TNRC6B: variants seen among roughly 807,000 people sequenced by gnomAD.
TNRC6B encodes trinucleotide repeat containing adaptor 6B, also known as trinucleotide repeat-containing gene 6B protein.
Under a neutral mutation model 203.6 loss-of-function variants are expected in TNRC6B, and 52 were observed. The ratio of observed to expected loss-of-function variants is 0.26; its 90% CI spans 0.20 to 0.32. The LOEUF is 0.32. Among genes scored for constraint, TNRC6B ranks in the 10% least tolerant of loss-of-function variants. The pLI, the probability that TNRC6B is intolerant of heterozygous loss-of-function variation, is 1.00. For synonymous variants in TNRC6B, 838 were observed against 845.7 expected (o/e 0.99, Z 0.16); for missense variants, 1,923 against 2,286.2 (o/e 0.84, Z 3.24).
chr22:40,318,242 A>G (rs917945084), intron 21 of TNRC6B, among the ~76,000 whole-genome samples: 2 of 152,038 alleles, frequency 1.3e-5, no homozygotes, highest in African/African-American at 4.8e-5. Context: ...TATCTAATCA[A>G]CTCAGCTCAA....
intron 12 of TNRC6B, among the ~76,000 whole-genome samples, chr22:40,292,233 G>A (rs759370313): frequency 2.0e-5 from 3 of 151,720 alleles, no homozygotes; most frequent in Admixed American, 2.0e-4. Context: ...CCCGTCTGTC[G>A]TCCCAACTGC....
At chr22:40,133,591 G>T (rs1001643119) in intron 3 of TNRC6B, among the ~76,000 whole-genome samples, 1 of 152,146 alleles carries the variant, frequency 6.6e-6, no homozygotes. Context: ...GTAGAAAGAC[G>T]GGTTTCATGG....
chr22:40,180,138 C>A (rs951321990), intron 1 of TNRC6B, among the ~76,000 whole-genome samples: 1 of 152,090 alleles, frequency 6.6e-6, no homozygotes, highest in Non-Finnish European at 1.5e-5. Flanking sequence ...GAGAAATTAC[C>A]TTAGTGATAG....
At chr22:40,075,156 A>ATTTTTTTTTTTT (rs58240994) in intron 1 of TNRC6B, among the ~76,000 whole-genome samples, 13 of 35,552 alleles carry the variant, frequency 3.7e-4, no homozygotes, top group Non-Finnish European at 5.7e-4. Flanking sequence ...ATATATATAT[A>ATTTTTTTTTTTT]TTTTTTTTTT....
At chr22:40,150,542 G>A (rs1452503086) in intron 3 of TNRC6B, among the ~76,000 whole-genome samples, 3 of 152,184 alleles carry the variant, frequency 2.0e-5, no homozygotes, top group Admixed American at 6.6e-5. Context: ...TTGAAGAGGC[G>A]ATGAGAAGCA....
chr22:40,198,734 T>C (rs2069371598), intron 1 of TNRC6B, among the ~76,000 whole-genome samples: 1 of 152,132 alleles, frequency 6.6e-6, no homozygotes, highest in Non-Finnish European at 1.5e-5. Flanking sequence ...TGCCTGGATT[T>C]TAATAAGGAC....
Position 40,324,417 on chromosome 22 carries a change from CAG to C in TNRC6B, c.*1180_*1181del, listed in dbSNP as rs1191647160. On this transcript the variant is annotated 3_prime_UTR_variant, in exon 23 of 23. Coordinates refer to ENST00000454349, the MANE Select transcript of TNRC6B (RefSeq NM_001162501.2). ...TTTTGATGATGCGATGTCTCAAAAACAGAGAAACTTTGTTCCCTCTTTCCTTA... is the reference window on the plus strand; with the variant it reads ...TTTTGATGATGCGATGTCTCAAAAACAGAAACTTTGTTCCCTCTTTCCTTA... 1 of 152,390 alleles carries C rather than the reference CAG, an allele frequency of 6.6e-6. No individual in the cohort carries two copies. Among genetic ancestry groups the C allele is most frequent in the Non-Finnish European group, 1.5e-5 (1 of 68,016 alleles). The allele number at this position is 152,390 out of a possible 1,614,324, so 9.4% of individuals were successfully genotyped here.
At chr22:40,079,656 T>C (rs546021853) in intron 1 of TNRC6B, among the ~76,000 whole-genome samples, 1 of 152,220 alleles carries the variant, frequency 6.6e-6, no homozygotes, top group East Asian at 1.9e-4. Context: ...TCTTGCTCTG[T>C]CATCCAGGCT....
At chr22:40,069,200 C>T (rs2067924783) in intron 1 of TNRC6B, among the ~76,000 whole-genome samples, 1 of 152,060 alleles carries the variant, frequency 6.6e-6, no homozygotes, top group Admixed American at 6.5e-5. Context: ...TTCGTGGGCT[C>T]AAGCAGCCCT....
chr22:40,262,957 G>A (rs1418164273), intron 4 of TNRC6B, among the ~76,000 whole-genome samples: 4 of 151,464 alleles, frequency 2.6e-5, no homozygotes, highest in African/African-American at 4.9e-5. Flanking sequence ...GGAGAATGGC[G>A]TCAACCCAGG....
At chr22:40,137,485 A>C (rs888992212) in intron 3 of TNRC6B, among the ~76,000 whole-genome samples, 2 of 152,228 alleles carry the variant, frequency 1.3e-5, no homozygotes, top group African/African-American at 4.8e-5. Context: ...AGACTTCTAT[A>C]GGTACAGAAG....
At chr22:40,315,837 T>C in intron 20 of TNRC6B, 105 bp from the exon 21 acceptor site, 1 of 901,264 alleles carries the variant, frequency 1.1e-6, no homozygotes. Context: ...AGAGAATTTA[T>C]AAAAGCAGAG....
At position 40,227,075 on chromosome 22, in the gene TNRC6B, A is replaced by AATTATT. The variant is rs66592054; in HGVS notation, c.6-18903_6-18898dup. 8.6e-3 allele frequency among the ~76,000 whole-genome samples: 1,173 copies of AATTATT among 137,054 alleles called. 15 individuals are homozygous for AATTATT. Among genetic ancestry groups the AATTATT allele is most frequent in the African/African-American group, 0.021 (799 of 37,372 alleles). 89.9% of individuals were successfully genotyped at this position (137,054 alleles called of 152,430 possible). On this transcript the variant is annotated intron_variant, in intron 1 of 22. Coordinates refer to ENST00000454349, the MANE Select transcript of TNRC6B (RefSeq NM_001162501.2). ...CAGGCATGTGTCGCCACACCCAGCT[A>AATTATT]ATTATTATTATTATTATTATTATTA...
chr22:40,329,315 G>C lies in TNRC6B; in HGVS notation c.*6074G>C, dbSNP rs1310469749. 6.6e-6 allele frequency: 1 copy of C among 152,202 alleles called. No homozygotes were observed. Among genetic ancestry groups the C allele is most frequent in the Non-Finnish European group, 1.5e-5 (1 of 68,040 alleles). 9.4% of individuals were successfully genotyped at this position (152,202 alleles called of 1,614,324 possible). ...GACATTGTCATTCTGTAAGAAAACAGAATATTATCTAGATTTCCAGAGTTA... is the reference window on the plus strand; with the variant it reads ...GACATTGTCATTCTGTAAGAAAACACAATATTATCTAGATTTCCAGAGTTA... On this transcript the variant is annotated 3_prime_UTR_variant, in exon 23 of 23. Transcript: ENST00000454349.
chr22:40,074,390 A>C (rs564157979), intron 1 of TNRC6B, among the ~76,000 whole-genome samples: 1 of 152,086 alleles, frequency 6.6e-6, no homozygotes, highest in South Asian at 2.1e-4. Flanking sequence ...CATGACTGTA[A>C]TCTCAGCACT....
intron 7 of TNRC6B, among the ~76,000 whole-genome samples, chr22:40,276,437 C>G (rs1215978024): frequency 6.6e-6 from 1 of 152,154 alleles, no homozygotes; most frequent in African/African-American, 2.4e-5. Flanking sequence ...TCATAGTTCC[C>G]CCTGCTTCCC....
At chr22:40,205,826 C>T (rs759867742) in intron 1 of TNRC6B, among the ~76,000 whole-genome samples, 21 of 152,134 alleles carry the variant, frequency 1.4e-4, no homozygotes, top group Non-Finnish European at 2.4e-4. Flanking sequence ...TTGGCAGAAC[C>T]CACCAAGTGA....
At chr22:40,189,864 A>G (rs1039091948) in intron 1 of TNRC6B, among the ~76,000 whole-genome samples, 2 of 152,224 alleles carry the variant, frequency 1.3e-5, no homozygotes, top group African/African-American at 4.8e-5. Flanking sequence ...AAGTAAAGGC[A>G]TTTTTGAAAC....
At chr22:40,313,278 C>G (rs1428436027) in intron 19 of TNRC6B, among the ~76,000 whole-genome samples, 1 of 152,132 alleles carries the variant, frequency 6.6e-6, no homozygotes, top group Admixed American at 6.5e-5. Context: ...TAATGACACA[C>G]ATGCTTCTCT....
Sources: allele counts gnomAD v4.1 joint callset (sites outside exome capture counted in the v4.1 genomes callset), GRCh38; gene constraint gnomAD v4.1.1; transcripts MANE v1.5; gene names NCBI Gene and HGNC (gene_info 2026-07-23, HGNC 2026-07-21).